The following LSG1 variants were observed in gnomAD, a reference collection of about 807,000 sequenced individuals.
LSG1 encodes large subunit GTPase 1 homolog.
A neutral mutation model predicts 82.6 loss-of-function variants in LSG1; 55 were observed. The ratio of observed to expected loss-of-function variants is 0.67; its 90% CI spans 0.54 to 0.83. The LOEUF is 0.83. Ranked by LOEUF, LSG1 falls within the 40% of genes least tolerant of loss-of-function variation. The pLI, the probability that LSG1 is intolerant of heterozygous loss-of-function variation, is 0.00. For missense variants in LSG1, 809 were observed against 807.9 expected, an observed-to-expected ratio of 1.00 and a Z score of -0.02; for synonymous variants, 272 against 282.5, an observed-to-expected ratio of 0.96 and a Z score of 0.37.
chr3:194,650,067 G>A (rs899006903), intron 10 of LSG1, among the ~76,000 whole-genome samples: 38 of 152,042 alleles, frequency 2.5e-4, no homozygotes, highest in African/African-American at 8.9e-4. Context: ...CTACAGGTGT[G>A]CACCACCACG....
chr3:194,641,917 T>C lies in LSG1; in HGVS notation c.*151A>G, dbSNP rs1229073236. 1.3e-6 allele frequency: 1 copy of C among 753,190 alleles called. No individual in the cohort carries two copies. Among genetic ancestry groups the C allele is most frequent in the Non-Finnish European group, 2.1e-6 (1 of 482,806 alleles). The allele number at this position is 753,190 out of a possible 1,614,324, so 46.7% of individuals were successfully genotyped here. A position where few individuals can be genotyped will look rare whatever the true frequency, so the allele number is the denominator to read the frequency against. The stretch of plus-strand genomic sequence containing the variant: ...TGGTGTTTCCAGGAGGCCCTTGGTC[T>C]TGACATGGAGACTGTTGGGTGCAGC... On this transcript the variant is annotated 3_prime_UTR_variant, in exon 14 of 14. Transcript: ENST00000265245.
At chr3:194,647,010 G>A (rs979153268) in intron 11 of LSG1, among the ~76,000 whole-genome samples, 7 of 152,144 alleles carry the variant, frequency 4.6e-5, no homozygotes, top group Admixed American at 3.9e-4. Context: ...TTAAGAACAC[G>A]GCTTCAGCAG....
Position 194,660,105 on chromosome 3 carries a change from G to C in LSG1, c.550C>G (p.Arg184Gly), listed in dbSNP as rs112602313. 1.9e-4 allele frequency: 306 copies of C among 1,613,820 alleles called. No homozygotes were observed. Among genetic ancestry groups the C allele is most frequent in the Non-Finnish European group, 2.5e-4 (295 of 1,179,950 alleles). The change falls in exon 6 of 14, where the codon CGA (arginine) becomes GGA (glycine). Residue 184 changes from arginine (R) to glycine (G), a missense_variant. Physicochemically the swap from Arg to Gly is moderately radical, Grantham distance 125 (BLOSUM62 -2). Coordinates refer to ENST00000265245, the MANE Select transcript of LSG1 (RefSeq NM_018385.3). ...SDIVVQIVDARNPLLFRCEDL... is the reference protein window; with the variant it reads ...SDIVVQIVDAGNPLLFRCEDL... ...TCACATCTAAACAGGAGTGGGTTTC[G>C]AGCATCTACTATCTGGACCACAATA... is the stretch of plus-strand genomic sequence containing the variant.
chr3:194,651,046 T>G, intron 9 of LSG1, 22 bp from the exon 10 acceptor site: 1 of 1,613,940 alleles, frequency 6.2e-7, no homozygotes, highest in Middle Eastern at 1.6e-4. Flanking sequence ...GCAAGAGGTT[T>G]GAGCTGGGTA....
In LSG1 at chr3:194,666,528, G is replaced by T; in HGVS notation, c.271C>A (p.Leu91Ile). 6.2e-7 allele frequency: 1 copy of T among 1,613,402 alleles called. No individual in the cohort carries two copies. The highest frequency in any genetic ancestry group is 8.5e-7 in the Non-Finnish European group (1 of 1,179,420). ...CTCTGGCTCTCCTCGAAAGACAGTA[G>T]TCCAGTTCTAGCCTCAGCAGGCACA... ...KFVPAEARTGLLSFEESQRIK... is the reference protein window; with the variant it reads ...KFVPAEARTGILSFEESQRIK... The change falls in exon 3 of 14, where the codon CTA becomes ATA. Residue 91 changes from leucine (L) to isoleucine (I), a missense_variant. Leu to Ile is a conservative substitution (Grantham distance 5). Coordinates refer to ENST00000265245, the MANE Select transcript of LSG1 (RefSeq NM_018385.3).
intron 10 of LSG1, among the ~76,000 whole-genome samples, chr3:194,650,455 C>T (rs56824722): frequency 0.045 from 6,872 of 152,174 alleles, 519 homozygotes; most frequent in African/African-American, 0.16. Flanking sequence ...TTTTTGAGGA[C>T]TAAAAGGTAT....
rs1196305796 is a variant in LSG1 at position 194,665,656 on chromosome 3, T to C, written c.435-13A>G. ...TTCCTCTTCTAGCCTAGTTTTTGAATGAGAAGTTTATATATTTGCCAGATT... is the reference window on the plus strand; with the variant it reads ...TTCCTCTTCTAGCCTAGTTTTTGAACGAGAAGTTTATATATTTGCCAGATT... On this transcript the variant is annotated splice_polypyrimidine_tract_variant and intron_variant, in intron 4 of 13. Transcript: ENST00000265245. 1.3e-6 allele frequency: 2 copies of C among 1,548,382 alleles called. No individual in the cohort carries two copies. The highest frequency in any genetic ancestry group is 1.8e-6 in the Non-Finnish European group (2 of 1,125,464).
rs745530003 is a variant in LSG1, at chr3:194,651,166, G to A, written c.1224C>T (p.Gly408=). ...GKSSTINTIM[G]NKKVSVSATP... Reference sequence around the variant, plus strand: ...TGGCAGACACAGATACTTTCTTGTTGCCCATGATGGTGTTGATTGTTGAAC... The same window carrying A: ...TGGCAGACACAGATACTTTCTTGTTACCCATGATGGTGTTGATTGTTGAAC... Residue 408 remains glycine (G), a synonymous_variant, in exon 9 of 14, where the codon GGC becomes GGT. Coordinates refer to ENST00000265245, the MANE Select transcript of LSG1 (RefSeq NM_018385.3). 1.2e-6 allele frequency: 2 copies of A among 1,614,196 alleles called. No individual in the cohort carries two copies. The highest frequency in any genetic ancestry group is 2.2e-5 in the East Asian group (1 of 44,882).
At chr3:194,646,111 G>A in intron 12 of LSG1, 53 bp downstream of exon 12, 1 of 1,536,994 alleles carries the variant, frequency 6.5e-7, no homozygotes, top group South Asian at 1.1e-5. Context: ...TAAGAACGCA[G>A]AATGTGGAAA....
At chr3:194,645,991 T>C (rs1217795494) in intron 12 of LSG1, among the ~76,000 whole-genome samples, 173 bp downstream of exon 12, 2 of 152,240 alleles carry the variant, frequency 1.3e-5, no homozygotes, top group Non-Finnish European at 2.9e-5. Context: ...GAGATCTCCA[T>C]CTTTTGTAAT....
At chr3:194,643,989 A>T (rs1214809117) in intron 13 of LSG1, among the ~76,000 whole-genome samples, 1 of 152,166 alleles carries the variant, frequency 6.6e-6, no homozygotes, top group East Asian at 1.9e-4. Context: ...AGTCTCCAGA[A>T]CAGGCAAATC....
At chr3:194,661,454 T>C (rs1718925401) in intron 5 of LSG1, among the ~76,000 whole-genome samples, 1 of 152,240 alleles carries the variant, frequency 6.6e-6, no homozygotes, top group Non-Finnish European at 1.5e-5. Context: ...CTGCTTCATG[T>C]GCTGAGTGAG....
chr3:194,645,585 C>CAGACAGACAG (rs1718529301), intron 12 of LSG1, among the ~76,000 whole-genome samples: 8 of 74,652 alleles, frequency 1.1e-4, no homozygotes, highest in Admixed American at 4.2e-4. Context: ...GACACACACA[C>CAGACAGACAG]ACACACACAC....
chr3:194,667,803 A>C (rs1379957115), intron 2 of LSG1, among the ~76,000 whole-genome samples: 1 of 150,534 alleles, frequency 6.6e-6, no homozygotes, highest in East Asian at 2.0e-4. Flanking sequence ...CATGCCTGTA[A>C]TCCCAGCTAC....
At chr3:194,663,000 C>T (rs966630097) in intron 5 of LSG1, among the ~76,000 whole-genome samples, 6 of 151,938 alleles carry the variant, frequency 3.9e-5, no homozygotes, top group Non-Finnish European at 7.4e-5. Flanking sequence ...AGGCCTCTTC[C>T]GTAAAAGTCA....
rs1170445498 is a variant in LSG1 at position 194,653,061 on chromosome 3, T to C, written c.841A>G (p.Ser281Gly). 3.1e-6 allele frequency: 5 copies of C among 1,614,248 alleles called. No individual in the cohort carries two copies. Among genetic ancestry groups the C allele is most frequent in the African/African-American group, 2.7e-5 (2 of 75,070 alleles). ...SSFDQAEISHSESEHLPARDS... is the reference protein window; with the variant it reads ...SSFDQAEISHGESEHLPARDS... ...CTAGCTGGGAGATGTTCGGATTCAC[T>C]GTGGGAAATTTCAGCCTGGTCGAAA... The change falls in exon 8 of 14, where the codon AGT (serine) becomes GGT (glycine). Residue 281 changes from serine to glycine, a missense_variant. Physicochemically the swap from Ser to Gly is moderately conservative, Grantham distance 56 (BLOSUM62 0). Transcript: ENST00000265245.
Position 194,658,976 on chromosome 3 carries a change from G to A in LSG1, c.740C>T (p.Pro247Leu), listed in dbSNP as rs970060761. 3 of 1,613,796 alleles carry A rather than the reference G, an allele frequency of 1.9e-6. No homozygotes were observed. The highest frequency in any genetic ancestry group is 2.5e-6 in the Non-Finnish European group (3 of 1,179,782). Residue 247 changes from proline (P) to leucine (L), a missense_variant, in exon 7 of 14, where the codon CCC becomes CTC. Pro to Leu is a moderately conservative substitution (Grantham distance 98, BLOSUM62 -3). Transcript: ENST00000265245. Reference protein sequence around the residue: ...IFWSALAGAIPLNGDSEEEAN... With the variant: ...IFWSALAGAILLNGDSEEEAN... ...GGTTACCTCAGAGTCACCATTCAGG[G>A]GAATGGCTCCGGCCAAAGCTGACCA...
chr3:194,666,688 T>C, intron 2 of LSG1, 116 bp from the exon 3 acceptor site: 1 of 804,474 alleles, frequency 1.2e-6, no homozygotes, highest in Non-Finnish European at 1.9e-6. Context: ...TTAAGATTTC[T>C]TGATTTAGAT....
In LSG1 at chr3:194,644,676, A is replaced by G; in HGVS notation, c.1694T>C (p.Leu565Pro). 1 of 1,611,052 alleles carries G rather than the reference A, an allele frequency of 6.2e-7. No homozygotes were observed. The highest frequency in any genetic ancestry group is 8.5e-7 in the Non-Finnish European group (1 of 1,178,380). ...PVTFQHQHQRLLENKMNSDEI... is the reference protein window; with the variant it reads ...PVTFQHQHQRPLENKMNSDEI... ...ATCACTGTTCATTTTGTTCTCTAGG[A>G]GTCGCTGGTGTTGATGCTGAAAAGT... The change falls in exon 13 of 14, where the codon CTC (leucine) becomes CCC (proline). Residue 565 changes from leucine to proline, a missense_variant. By Grantham distance (98) the Leu-to-Pro change is moderately conservative (BLOSUM62 -3). Transcript: ENST00000265245.
Sources: gnomAD v4.1 joint callset for allele counts (sites outside exome capture counted in the v4.1 genomes callset) on GRCh38, gnomAD v4.1.1 for gene constraint, MANE v1.5 for transcripts, NCBI Gene and HGNC (gene_info 2026-07-23, HGNC 2026-07-21) for gene names.